The following SUGCT variants were observed in gnomAD, a reference collection of about 807,000 sequenced individuals.
The protein encoded by SUGCT is succinyl-CoA:glutarate CoA-transferase.
A neutral mutation model predicts 55.0 loss-of-function variants in SUGCT; 41 were observed. The observed-to-expected ratio is 0.74, with a 90% CI of 0.58 to 0.97. The LOEUF (loss-of-function observed/expected upper bound fraction) is 0.97, where lower values mean the gene tolerates loss of function less well. SUGCT is among the 50% of genes least tolerant of loss of function. The pLI, the probability that SUGCT is intolerant of heterozygous loss-of-function variation, is 0.00. For synonymous variants in SUGCT, 187 were observed against 200.4 expected, an observed-to-expected ratio of 0.93 and a Z score of 0.56; for missense variants, 568 against 547.8, an observed-to-expected ratio of 1.04 and a Z score of -0.37.
chr7:40,363,608 T>A (rs966282488), intron 9 of SUGCT, among the ~76,000 whole-genome samples: 3 of 152,242 alleles, frequency 2.0e-5, no homozygotes, highest in Non-Finnish European at 4.4e-5. Context: ...TCAGTTTCCA[T>A]GTAGTTGAGC....
chr7:40,907,707 G>A, the SUGCT span, among the ~76,000 whole-genome samples: 2 of 152,094 alleles, frequency 1.3e-5, no homozygotes, highest in Admixed American at 6.5e-5. Context: ...CAGCCTGTTC[G>A]CTTAACCACT....
At chr7:40,626,456 G>T (rs1372836517) in intron 12 of SUGCT, among the ~76,000 whole-genome samples, 1 of 150,848 alleles carries the variant, frequency 6.6e-6, no homozygotes, top group African/African-American at 2.4e-5. Context: ...GTTTCACTGT[G>T]TTAACCAGGA....
At chr7:40,435,945 CTTTTTT>C (rs11297778) in intron 9 of SUGCT, among the ~76,000 whole-genome samples, 5 of 114,602 alleles carry the variant, frequency 4.4e-5, no homozygotes, top group Non-Finnish European at 7.2e-5. Context: ...CTTTTCTTTT[CTTTTTT>C]TTTTTTTTTT....
At chr7:40,658,329 C>T (rs1801129247) in intron 12 of SUGCT, among the ~76,000 whole-genome samples, 1 of 152,192 alleles carries the variant, frequency 6.6e-6, no homozygotes, top group South Asian at 2.1e-4. Context: ...TGTTGAACCC[C>T]TTCCCCCTTT....
chr7:40,893,374 A>G, the SUGCT span, among the ~76,000 whole-genome samples: 4 of 152,222 alleles, frequency 2.6e-5, no homozygotes, highest in Non-Finnish European at 4.4e-5. Context: ...TATCAGGAGC[A>G]GAATACATAT....
chr7:41,037,269 C>A, the SUGCT span, among the ~76,000 whole-genome samples: 25 of 152,198 alleles, frequency 1.6e-4, no homozygotes, highest in Middle Eastern at 3.4e-3. Context: ...CACATAGACA[C>A]TCTCGCCTTT....
the SUGCT span, among the ~76,000 whole-genome samples, chr7:40,898,491 G>GGA: frequency 1.7e-5 from 2 of 116,032 alleles, no homozygotes; most frequent in Admixed American, 1.7e-4. Context: ...GGGGGGGGGG[G>GGA]GGGGGGTGGA....
intron 12 of SUGCT, among the ~76,000 whole-genome samples, chr7:40,555,109 C>T (rs1795493004): frequency 6.6e-6 from 1 of 152,106 alleles, no homozygotes; most frequent in Non-Finnish European, 1.5e-5. Context: ...GTAGTACGGC[C>T]TGCCCTCATC....
chr7:40,383,305 A>G (rs1215028649), intron 9 of SUGCT, among the ~76,000 whole-genome samples: 6 of 152,198 alleles, frequency 3.9e-5, no homozygotes, highest in African/African-American at 1.4e-4. Flanking sequence ...AGAAACTAGA[A>G]TCCATCGATT....
rs113930159 is a variant in SUGCT, at chr7:40,180,493, AT to A, written c.101-441del. ...AATGCCTACTGTATGAGCTTCCAGT[AT>A]TTTTTTTTTTTTCGAGACAGAGCCT... On this transcript the variant is annotated intron_variant, in intron 1 of 13. Transcript: ENST00000335693. Among the ~76,000 whole-genome samples, 1,120 of 140,898 alleles carry A rather than the reference AT, an allele frequency of 7.9e-3. 16 individuals are homozygous for A. Among genetic ancestry groups the A allele is most frequent in the African/African-American group, 0.025 (960 of 38,588 alleles). 92.4% of individuals were successfully genotyped at this position (140,898 alleles called of 152,430 possible). A position where few individuals can be genotyped will look rare whatever the true frequency, so the allele number is the denominator to read the frequency against.
At chr7:40,916,026 G>A in the SUGCT span, among the ~76,000 whole-genome samples, 3 of 107,010 alleles carry the variant, frequency 2.8e-5, no homozygotes, top group African/African-American at 1.0e-4. Context: ...TATTATATAT[G>A]TCATATATGG....
chr7:40,617,475 ATGTGTGTGTGTG>A (rs34487309), intron 12 of SUGCT, among the ~76,000 whole-genome samples: 33 of 143,658 alleles, frequency 2.3e-4, no homozygotes, highest in Non-Finnish European at 3.8e-4. Flanking sequence ...TTAGATTTAT[ATGTGTGTGTGTG>A]TGTGTGTGTG....
chr7:40,997,653 G>T, the SUGCT span, among the ~76,000 whole-genome samples: 1 of 152,124 alleles, frequency 6.6e-6, no homozygotes, highest in South Asian at 2.1e-4. Flanking sequence ...CATCACCCTG[G>T]TTCAAACATA....
chr7:40,208,788 G>A (rs937687043), intron 6 of SUGCT, among the ~76,000 whole-genome samples: 11 of 151,912 alleles, frequency 7.2e-5, no homozygotes, highest in African/African-American at 1.9e-4. Flanking sequence ...CAGGCAATCC[G>A]CCCGCCTCAG....
intron 2 of SUGCT, among the ~76,000 whole-genome samples, 162 bp from the exon 3 acceptor site, chr7:40,181,793 A>ATTTT (rs1785229083): frequency 6.6e-6 from 1 of 151,984 alleles, no homozygotes; most frequent in Non-Finnish European, 1.5e-5. Flanking sequence ...GGGGATATAT[A>ATTTT]TTTTTAAAGC....
chr7:40,446,240 C>G (rs1451038527), intron 9 of SUGCT, among the ~76,000 whole-genome samples: 2 of 152,162 alleles, frequency 1.3e-5, no homozygotes, highest in African/African-American at 4.8e-5. Context: ...AAAATATAAA[C>G]TTATTGGACA....
At chr7:40,818,468 C>G (rs1195741635) in intron 13 of SUGCT, among the ~76,000 whole-genome samples, 1 of 152,226 alleles carries the variant, frequency 6.6e-6, no homozygotes, top group Non-Finnish European at 1.5e-5. Flanking sequence ...AACATGACTA[C>G]TTCTTCATAA....
chr7:40,605,307 C>T (rs1798469314), intron 12 of SUGCT, among the ~76,000 whole-genome samples: 1 of 152,188 alleles, frequency 6.6e-6, no homozygotes, highest in Non-Finnish European at 1.5e-5. Context: ...AGTTCAGTGG[C>T]ACAATACACC....
At chr7:40,580,499 A>G (rs1797026696) in intron 12 of SUGCT, among the ~76,000 whole-genome samples, 1 of 152,176 alleles carries the variant, frequency 6.6e-6, no homozygotes, top group Admixed American at 6.5e-5. Flanking sequence ...TTTATCACAC[A>G]TATTTAACAT....
Sources: allele counts gnomAD v4.1 joint callset (sites outside exome capture counted in the v4.1 genomes callset), GRCh38; gene constraint gnomAD v4.1.1; transcripts MANE v1.5; gene names NCBI Gene and HGNC (gene_info 2026-07-23, HGNC 2026-07-21).